The following PAPPA variants were observed in gnomAD, a reference collection of about 807,000 sequenced individuals.
The protein encoded by PAPPA is pappalysin-1.
PAPPA carries 60 observed loss-of-function variants against 164.0 expected under a neutral mutation model. The ratio of observed to expected loss-of-function variants is 0.37; its 90% CI spans 0.30 to 0.45. The LOEUF (loss-of-function observed/expected upper bound fraction) is 0.45, where lower values mean the gene tolerates loss of function less well. PAPPA is among the 20% of genes least tolerant of loss of function. PAPPA has a pLI of 1.00. For synonymous variants in PAPPA, 875 were observed against 814.1 expected (o/e 1.07, Z -1.27); for missense variants, 1,782 against 2,087.3 (o/e 0.85, Z 2.85).
intron 1 of PAPPA, among the ~76,000 whole-genome samples, chr9:116,168,298 A>G (rs1843738028): frequency 6.6e-6 from 1 of 152,186 alleles, no homozygotes; most frequent in Non-Finnish European, 1.5e-5. Flanking sequence ...ATTTTTATAT[A>G]TTATACATTG....
intron 11 of PAPPA, 92 bp downstream of exon 11, chr9:116,331,449 C>G: frequency 1.3e-6 from 1 of 768,474 alleles, no homozygotes; most frequent in Non-Finnish European, 2.3e-6. Flanking sequence ...GGGTTGTCTA[C>G]CTGCTGAGGG....
At chr9:116,244,463 G>T (rs1844773157) in intron 7 of PAPPA, among the ~76,000 whole-genome samples, 1 of 152,132 alleles carries the variant, frequency 6.6e-6, no homozygotes, top group African/African-American at 2.4e-5. Flanking sequence ...GTCAATCTTT[G>T]TACTGGGAGT....
At chr9:116,174,736 A>G (rs1399784623) in intron 1 of PAPPA, among the ~76,000 whole-genome samples, 1 of 152,024 alleles carries the variant, frequency 6.6e-6, no homozygotes, top group East Asian at 1.9e-4. Flanking sequence ...AGAAGAAAAA[A>G]TAATATAATA....
rs369708063 is a variant in PAPPA at position 116,170,751 on chromosome 9, A to T, written c.415+16164A>T. ...CTGCTATCCATCCATCTATCCATCC[A>T]TCCATTCATCTGTCCATCCATCCTT... On this transcript the variant is annotated intron_variant, in intron 1 of 21. Coordinates refer to ENST00000328252, the MANE Select transcript of PAPPA (RefSeq NM_002581.5). Among the ~76,000 whole-genome samples, 46 of 151,436 alleles carry T rather than the reference A, an allele frequency of 3.0e-4. 1 individual carries two copies. In the East Asian group the frequency reaches 7.4e-3, roughly 24 times the overall value.
chr9:116,282,301 A>G (rs4836727), intron 9 of PAPPA, among the ~76,000 whole-genome samples: 89,815 of 151,976 alleles, frequency 0.59, 26,741 homozygotes, highest in East Asian at 0.72. Context: ...AGGGAATAAG[A>G]ACAAGAAAAA....
At chr9:116,226,573 T>G (rs1208039518) in intron 5 of PAPPA, among the ~76,000 whole-genome samples, 1 of 152,192 alleles carries the variant, frequency 6.6e-6, no homozygotes, top group East Asian at 1.9e-4. Flanking sequence ...TTCCAGTCCC[T>G]CTGCAGAGGT....
At chr9:116,249,371 T>A (rs1239532360) in intron 7 of PAPPA, among the ~76,000 whole-genome samples, 1 of 151,504 alleles carries the variant, frequency 6.6e-6, no homozygotes, top group African/African-American at 2.4e-5. Context: ...AAGAAGAGAG[T>A]TTGAGCAAAG....
intron 9 of PAPPA, among the ~76,000 whole-genome samples, chr9:116,299,382 A>G (rs1845550688): frequency 6.6e-6 from 1 of 151,948 alleles, no homozygotes; most frequent in Non-Finnish European, 1.5e-5. Context: ...CCTTTCCTCC[A>G]TTCTCAGGTT....
At chr9:116,318,487 A>T (rs975437561) in intron 10 of PAPPA, 1 of 152,170 alleles carries the variant, frequency 6.6e-6, no homozygotes, top group Admixed American at 6.5e-5. Context: ...ACAGAAAAAA[A>T]AAAGATGCTT....
At chr9:116,396,388 C>T in intron 21 of PAPPA, 121 bp from the exon 22 acceptor site, 1 of 720,262 alleles carries the variant, frequency 1.4e-6, no homozygotes. Flanking sequence ...AGAAGCAGAG[C>T]CATAACTTGA....
intron 1 of PAPPA, among the ~76,000 whole-genome samples, chr9:116,157,405 A>G (rs902929820): frequency 6.6e-6 from 1 of 152,158 alleles, no homozygotes; most frequent in Non-Finnish European, 1.5e-5. Flanking sequence ...ACTAATACAT[A>G]AAAAAAGGGA....
intron 21 of PAPPA, among the ~76,000 whole-genome samples, chr9:116,392,893 C>T (rs944808621): frequency 1.6e-4 from 24 of 152,198 alleles, no homozygotes; most frequent in Admixed American, 3.3e-4. Context: ...TGTATAAAGT[C>T]TACAACATAT....
In PAPPA at chr9:116,353,624, G is replaced by A. The variant is rs747123895; in HGVS notation, c.4178G>A (p.Arg1393Gln). The A allele has an allele frequency of 7.4e-6, 12 of 1,613,278 alleles. No individual in the cohort carries two copies. The highest frequency in any genetic ancestry group is 1.7e-4 in the Middle Eastern group (1 of 6,038). The stretch of plus-strand genomic sequence containing the variant: ...CCTGTTTGATCCTTTCCTTGAAGAC[G>A]GGCCTTCAAGACTCAGTGTACCCAG... Reference protein sequence around the residue: ...VPGSSRKSKKRAFKTQCTQDG... With the variant: ...VPGSSRKSKKQAFKTQCTQDG... The change falls in exon 17 of 22, where the codon CGG becomes CAG. Residue 1393 changes from arginine to glutamine, a missense_variant and splice_region_variant. Arg to Gln is a conservative substitution (Grantham distance 43). This residue lies in a region of PAPPA where 1,324 missense variants were observed against 1,656.9 expected (regional missense o/e 0.80). Coordinates refer to ENST00000328252, the MANE Select transcript of PAPPA (RefSeq NM_002581.5).
chr9:116,167,773 A>T (rs993492987), intron 1 of PAPPA, among the ~76,000 whole-genome samples: 1 of 152,202 alleles, frequency 6.6e-6, no homozygotes, highest in Admixed American at 6.5e-5. Context: ...TGACCCCTTT[A>T]CAGAAAAGCC....
At chr9:116,224,081 C>T (rs537870347) in intron 5 of PAPPA, among the ~76,000 whole-genome samples, 1 of 152,210 alleles carries the variant, frequency 6.6e-6, no homozygotes, top group African/African-American at 2.4e-5. Context: ...TCCATCAATG[C>T]CAACCTCTCG....
At chr9:116,181,912 A>G (rs1843910045) in intron 1 of PAPPA, among the ~76,000 whole-genome samples, 1 of 152,252 alleles carries the variant, frequency 6.6e-6, no homozygotes, top group African/African-American at 2.4e-5. Context: ...AATGATAAAG[A>G]CAGCAGCCTC....
intron 6 of PAPPA, among the ~76,000 whole-genome samples, chr9:116,232,491 C>A (rs1844610856): frequency 1.3e-5 from 2 of 152,190 alleles, no homozygotes; most frequent in Non-Finnish European, 2.9e-5. Context: ...CAAAGCCTGG[C>A]ACGCTGCCTG....
chr9:116,367,822 C>A, intron 19 of PAPPA, 68 bp downstream of exon 19: 1 of 1,038,912 alleles, frequency 9.6e-7, no homozygotes, highest in Middle Eastern at 2.0e-4. Context: ...TGAGCACTTG[C>A]TATGTCCCGG....
intron 7 of PAPPA, among the ~76,000 whole-genome samples, chr9:116,236,229 T>C (rs1844663736): frequency 6.6e-6 from 1 of 152,034 alleles, no homozygotes; most frequent in Non-Finnish European, 1.5e-5. Context: ...CTTTGCAGCT[T>C]TAGGTTTCCG....
Sources: allele counts gnomAD v4.1 joint callset (sites outside exome capture counted in the v4.1 genomes callset), GRCh38; gene constraint gnomAD v4.1.1; regional missense constraint gnomAD v4.1.1; transcripts MANE v1.5; gene names NCBI Gene and HGNC (gene_info 2026-07-23, HGNC 2026-07-21).